The following NBEAL1 variants were observed in gnomAD, a reference collection of about 807,000 sequenced individuals.
The protein encoded by NBEAL1 is neurobeachin-like protein 1.
A neutral mutation model predicts 351.3 loss-of-function variants in NBEAL1; 273 were observed. That is an observed-to-expected ratio of 0.78 (90% CI 0.70 to 0.86). The LOEUF (loss-of-function observed/expected upper bound fraction) is 0.86. NBEAL1 is among the 40% of genes least tolerant of loss of function. NBEAL1 has a pLI of 0.00. For synonymous variants in NBEAL1, 1,050 were observed against 1,086.4 expected (o/e 0.97, Z 0.66); for missense variants, 2,961 against 3,201.3 (o/e 0.92, Z 1.81).
At chr2:203,054,658 G>A (rs112584612) in intron 4 of NBEAL1, among the ~76,000 whole-genome samples, 5 of 151,968 alleles carry the variant, frequency 3.3e-5, no homozygotes, top group East Asian at 1.9e-4. Flanking sequence ...AACTTGTGTC[G>A]CCTTCTCATG....
intron 12 of NBEAL1, 22 bp downstream of exon 12, chr2:203,099,734 T>A (rs75861526): frequency 4.8e-6 from 3 of 624,892 alleles, no homozygotes; most frequent in African/African-American, 2.0e-5. Context: ...ATCCTCCAGC[T>A]TTTTTTTTTT....
intron 18 of NBEAL1, among the ~76,000 whole-genome samples, chr2:203,122,020 A>C (rs2062843676): frequency 6.6e-6 from 1 of 152,112 alleles, no homozygotes; most frequent in South Asian, 2.1e-4. Flanking sequence ...TCCTAACCTC[A>C]GGTGATCCAC....
intron 42 of NBEAL1, among the ~76,000 whole-genome samples, chr2:203,179,867 G>GGGCTCAAGCAGTTCTCCT (rs1435417005): frequency 6.6e-6 from 1 of 151,860 alleles, no homozygotes; most frequent in Non-Finnish European, 1.5e-5. Context: ...TCTGCCTCCC[G>GGGCTCAAGCAGTTCTCCT]GGCTCAAGCA....
chr2:203,135,848 A>C lies in NBEAL1; in HGVS notation c.3985A>C (p.Thr1329Pro), dbSNP rs138630576. Residue 1329 changes from threonine to proline, a missense_variant, in exon 28 of 56, where the codon ACT (threonine) becomes CCT (proline). Thr to Pro is a conservative substitution (Grantham distance 38). Transcript: ENST00000683969. ...LMKDNDKNMS[T>P]EDTKKNSDEK... ...GAAAGACAATGATAAAAATATGTCA[A>C]CTGAAGATACCAAGAAGAACTCTGA... is the stretch of plus-strand genomic sequence containing the variant. The C allele has an allele frequency of 1.2e-6, 2 of 1,614,102 alleles. No homozygotes were observed. Among genetic ancestry groups the C allele is most frequent in the African/African-American group, 2.7e-5 (2 of 75,058 alleles).
intron 51 of NBEAL1, among the ~76,000 whole-genome samples, chr2:203,203,817 A>G (rs1253666829): frequency 6.6e-6 from 1 of 152,144 alleles, no homozygotes; most frequent in African/African-American, 2.4e-5. Context: ...CTGAATAGGA[A>G]GCATTACACT....
At position 203,175,241 on chromosome 2, in the gene NBEAL1, C is replaced by T. The variant is rs757998545; in HGVS notation, c.6418C>T (p.Arg2140Cys). The T allele has an allele frequency of 5.0e-6, 8 of 1,613,690 alleles. No individual in the cohort carries two copies. The highest frequency in any genetic ancestry group is 4.0e-5 in the African/African-American group (3 of 74,888). The change falls in exon 42 of 56, where the codon CGT becomes TGT. Residue 2140 changes from arginine (R) to cysteine (C), a missense_variant. Coordinates refer to ENST00000683969, the MANE Select transcript of NBEAL1 (RefSeq NM_001378026.1). ...TGCGGGGGTCATGCACTATCTCATT[C>T]GTGTAGAACCGTTCACCACCCTCCA... is the stretch of plus-strand genomic sequence containing the variant. ...NSAGVMHYLI[R>C]VEPFTTLHIQ... is the part of the protein sequence containing the mutation.
intron 38 of NBEAL1, 130 bp downstream of exon 38, chr2:203,167,490 T>C (rs2064171471): frequency 2.1e-6 from 2 of 943,214 alleles, no homozygotes; most frequent in Admixed American, 2.7e-5. Context: ...ATACATACTT[T>C]GGGGGCTAAT....
chr2:203,099,519 A>G (rs998552779), intron 11 of NBEAL1, 110 bp from the exon 12 acceptor site: 2 of 618,336 alleles, frequency 3.2e-6, no homozygotes, highest in Middle Eastern at 2.6e-4. Flanking sequence ...AGAGGAATGT[A>G]ATGCATGTTA....
At chr2:203,208,820 A>G (rs2065687234) in intron 52 of NBEAL1, 67 bp downstream of exon 52, 1 of 1,239,128 alleles carries the variant, frequency 8.1e-7, no homozygotes, top group South Asian at 1.4e-5. Context: ...ACTTATAACT[A>G]AAAAGTTTTT....
At chr2:203,196,782 ATTG>A (rs2065252585) in intron 47 of NBEAL1, among the ~76,000 whole-genome samples, 1 of 152,198 alleles carries the variant, frequency 6.6e-6, no homozygotes, top group Non-Finnish European at 1.5e-5. Flanking sequence ...TCTCTTTCAC[ATTG>A]TTATAAGATA....
chr2:203,125,253 A>G, intron 19 of NBEAL1, 99 bp from the exon 20 acceptor site: 1 of 879,522 alleles, frequency 1.1e-6, no homozygotes, highest in Non-Finnish European at 1.6e-6. Flanking sequence ...CATTGCTCAA[A>G]GGTTTATCTA....
chr2:203,138,803 T>A, intron 31 of NBEAL1, 55 bp downstream of exon 31: 1 of 1,497,740 alleles, frequency 6.7e-7, no homozygotes. Context: ...TAGGTATTAT[T>A]TATGTAACAA....
intron 7 of NBEAL1, among the ~76,000 whole-genome samples, chr2:203,072,794 A>G (rs1270853958): frequency 6.6e-6 from 1 of 152,094 alleles, no homozygotes; most frequent in Non-Finnish European, 1.5e-5. Flanking sequence ...TCCAGCCTCT[A>G]CCCATTACCC....
intron 29 of NBEAL1, among the ~76,000 whole-genome samples, 172 bp from the exon 30 acceptor site, chr2:203,137,990 C>CA (rs112429768): frequency 6.3e-5 from 9 of 143,748 alleles, no homozygotes; most frequent in African/African-American, 2.1e-4. Flanking sequence ...CACTCCGTCT[C>CA]AAAAAAAAAA....
intron 6 of NBEAL1, among the ~76,000 whole-genome samples, chr2:203,060,700 C>T (rs979437378): frequency 1.4e-4 from 21 of 152,284 alleles, no homozygotes; most frequent in African/African-American, 5.1e-4. Context: ...CCCTCTTTAA[C>T]AATGAACCGC....
At chr2:203,051,554 A>T (rs911937995) in intron 4 of NBEAL1, among the ~76,000 whole-genome samples, 16 of 152,082 alleles carry the variant, frequency 1.1e-4, no homozygotes, top group African/African-American at 1.7e-4. Context: ...CAAAAAAAAA[A>T]AAAAGGTTAA....
chr2:203,058,611 C>A (rs775969059), intron 6 of NBEAL1, among the ~76,000 whole-genome samples: 5 of 152,134 alleles, frequency 3.3e-5, no homozygotes, highest in Non-Finnish European at 7.4e-5. Flanking sequence ...CAAAAATAAG[C>A]TGAAGACAGG....
intron 10 of NBEAL1, chr2:203,085,139 C>A (rs2106169908): frequency 6.6e-6 from 1 of 152,660 alleles, no homozygotes; most frequent in Non-Finnish European, 1.5e-5. Flanking sequence ...CGCCCTGTTG[C>A]CAGGCTGGAG....
chr2:203,108,408 T>C (rs190951928), intron 14 of NBEAL1, among the ~76,000 whole-genome samples: 2 of 137,064 alleles, frequency 1.5e-5, no homozygotes, highest in Middle Eastern at 3.7e-3. Context: ...TTTTTTTTTT[T>C]GTTTTTTTGA....
Sources: gnomAD v4.1 joint callset for allele counts (sites outside exome capture counted in the v4.1 genomes callset) on GRCh38, gnomAD v4.1.1 for gene constraint, MANE v1.5 for transcripts, NCBI Gene and HGNC (gene_info 2026-07-23, HGNC 2026-07-21) for gene names.